The following IL1R1 variants were observed in gnomAD, a reference collection of about 807,000 sequenced individuals.
The protein encoded by IL1R1 is interleukin-1 receptor type 1.
In IL1R1, 22 loss-of-function variants were observed where a neutral mutation model predicts 50.2. That is an observed-to-expected ratio of 0.44 (90% CI 0.31 to 0.63). IL1R1 has a LOEUF of 0.63. IL1R1 is among the 20% of genes least tolerant of loss of function. The pLI is 0.07. For synonymous variants in IL1R1, 251 were observed against 236.7 expected (o/e 1.06, Z -0.55); for missense variants, 509 against 676.2 (o/e 0.75, Z 2.74).
chr2:102,153,685 C>T (rs1032094746), intron 1 of IL1R1, among the ~76,000 whole-genome samples: 2 of 152,174 alleles, frequency 1.3e-5, no homozygotes, highest in Non-Finnish European at 1.5e-5. Context: ...CACTTCCCCC[C>T]TTGCTCTCTC....
chr2:102,090,906 G>A (rs544949739), intron 1 of IL1R1, among the ~76,000 whole-genome samples: 4 of 152,160 alleles, frequency 2.6e-5, no homozygotes, highest in South Asian at 2.1e-4. Flanking sequence ...TAGAGGCTTC[G>A]GCTAATGTTA....
intron 1 of IL1R1, among the ~76,000 whole-genome samples, chr2:102,144,413 G>A (rs1213642171): frequency 2.0e-5 from 3 of 152,074 alleles, no homozygotes; most frequent in South Asian, 2.1e-4. Flanking sequence ...GCCCAGAGCA[G>A]CACCCCCATT....
rs554263964 is a variant in IL1R1, at chr2:102,111,334, G to A, written c.-84+6462G>A. Among the ~76,000 whole-genome samples, 483 of 152,256 alleles carry A rather than the reference G, an allele frequency of 3.2e-3. 5 individuals carry two copies. The highest frequency in any genetic ancestry group is 2.7e-3 in the Non-Finnish European group (184 of 68,028). ...TGCCACAAGAGATCACAGTGGGGCCGCTGCTGCACATAGGGCTGGCGACCA... is the reference window on the plus strand; with the variant it reads ...TGCCACAAGAGATCACAGTGGGGCCACTGCTGCACATAGGGCTGGCGACCA... On this transcript the variant is annotated intron_variant, in intron 1 of 10. Coordinates refer to the IL1R1 transcript ENST00000409329.
chr2:102,176,362 A>T lies in IL1R1; in HGVS notation c.1313A>T (p.Glu438Val), dbSNP rs775164173. ...GCTTCCTGTTTTTCAGACATTGTTG[A>T]GGTCATTAATGAAAACGTAAAGAAA... ...RDDYVGEDIV[E>V]VINENVKKSR... The change falls in exon 12 of 12, where the codon GAG (glutamate) becomes GTG (valine). Residue 438 changes from glutamate to valine, a missense_variant. By Grantham distance (121) the Glu-to-Val change is moderately radical. Transcript: ENST00000410023. 1 of 1,613,472 alleles carries T rather than the reference A, an allele frequency of 6.2e-7. No homozygotes were observed. Among genetic ancestry groups the T allele is most frequent in the East Asian group, 2.2e-5 (1 of 44,884 alleles).
At chr2:102,149,888 G>A (rs759093811) in intron 1 of IL1R1, among the ~76,000 whole-genome samples, 7 of 152,124 alleles carry the variant, frequency 4.6e-5, no homozygotes, top group South Asian at 4.1e-4. Flanking sequence ...TGAGGACAGC[G>A]CAGCCTATGT....
chr2:102,166,799 G>T (rs1237520697), intron 6 of IL1R1, among the ~76,000 whole-genome samples: 2 of 152,174 alleles, frequency 1.3e-5, no homozygotes, highest in African/African-American at 4.8e-5. Context: ...AGGTTATTGG[G>T]AAGATTAGAG....
intron 1 of IL1R1, among the ~76,000 whole-genome samples, chr2:102,123,232 T>A (rs1266720280): frequency 6.6e-6 from 1 of 152,260 alleles, no homozygotes; most frequent in African/African-American, 2.4e-5. Flanking sequence ...GCACATGTAA[T>A]AATTCCATGC....
At chr2:102,112,570 C>T (rs1017014962) in intron 1 of IL1R1, among the ~76,000 whole-genome samples, 2 of 152,070 alleles carry the variant, frequency 1.3e-5, no homozygotes, top group Admixed American at 6.5e-5. Flanking sequence ...GTACTCAACA[C>T]AGAATTGCCC....
chr2:102,139,784 G>A (rs1213960980), upstream of IL1R1, among the ~76,000 whole-genome samples: 1 of 152,210 alleles, frequency 6.6e-6, no homozygotes, highest in Admixed American at 6.5e-5. Context: ...AGTTTCCTGA[G>A]GCCTCCTCAG....
At chr2:102,088,552 C>T (rs1679526773) in intron 1 of IL1R1, among the ~76,000 whole-genome samples, 1 of 152,120 alleles carries the variant, frequency 6.6e-6, no homozygotes, top group Non-Finnish European at 1.5e-5. Flanking sequence ...GTAGATGTAG[C>T]CTAAGTTTTG....
At chr2:102,153,587 T>G (rs2104507073) in intron 1 of IL1R1, among the ~76,000 whole-genome samples, 1 of 152,166 alleles carries the variant, frequency 6.6e-6, no homozygotes, top group South Asian at 2.1e-4. Flanking sequence ...TGGTGGGAGG[T>G]GATTAGATCA....
chr2:102,120,678 T>C (rs1324727290), intron 1 of IL1R1, among the ~76,000 whole-genome samples: 3 of 152,232 alleles, frequency 2.0e-5, no homozygotes, highest in Non-Finnish European at 2.9e-5. Context: ...TCAGGTTTCC[T>C]GAAGCAGAAG....
chr2:102,124,884 C>T (rs1681611547), intron 1 of IL1R1, among the ~76,000 whole-genome samples: 1 of 152,028 alleles, frequency 6.6e-6, no homozygotes, highest in African/African-American at 2.4e-5. Context: ...CCATTGCACT[C>T]TAGCCTGGGT....
intron 1 of IL1R1, among the ~76,000 whole-genome samples, chr2:102,109,169 C>T (rs1312834737): frequency 1.3e-5 from 2 of 152,208 alleles, no homozygotes; most frequent in Admixed American, 6.5e-5. Context: ...GACAGGCTCA[C>T]TCTGGAGCCT....
Position 102,179,774 on chromosome 2 carries a change from A to G in IL1R1, c.*3015A>G, listed in dbSNP as rs957494856. ...TTATATAATTTTGCAGCAGAAGCCA[A>G]ATTTTTTGTATATTAAAGCACCAAA... On this transcript the variant is annotated 3_prime_UTR_variant, in exon 12 of 12. Coordinates refer to ENST00000410023, the MANE Select transcript of IL1R1 (RefSeq NM_000877.4). The G allele has an allele frequency of 2.6e-5, 4 of 152,746 alleles. No individual in the cohort carries two copies. Among genetic ancestry groups the G allele is most frequent in the Admixed American group, 6.5e-5 (1 of 15,280 alleles). The allele number at this position is 152,746 out of a possible 1,614,324, so 9.5% of individuals were successfully genotyped here.
intron 1 of IL1R1, among the ~76,000 whole-genome samples, chr2:102,149,318 G>C (rs1283181415): frequency 6.6e-6 from 1 of 152,230 alleles, no homozygotes; most frequent in Non-Finnish European, 1.5e-5. Flanking sequence ...GTTGCTATCA[G>C]GTGGAAATGT....
rs781745464 is a variant in IL1R1, at chr2:102,176,652, A to C, written c.1603A>C (p.Arg535=). The change falls in exon 12 of 12, where the codon AGG becomes CGG. Residue 535 remains arginine (R), a synonymous_variant. Transcript: ENST00000410023. ...AAAGACAAGGTTCTGGAAGAATGTC[A>C]GGTACCACATGCCAGTCCAGCGACG... ...SAKTRFWKNV[R]YHMPVQRRSP... 6.2e-7 allele frequency: 1 copy of C among 1,614,214 alleles called. No individual in the cohort carries two copies. Among genetic ancestry groups the C allele is most frequent in the Admixed American group, 1.7e-5 (1 of 60,030 alleles).
In IL1R1 at chr2:102,176,861, A is replaced by G. The variant is rs111817302; in HGVS notation, c.*102A>G. On this transcript the variant is annotated 3_prime_UTR_variant, in exon 12 of 12. Coordinates refer to ENST00000410023, the MANE Select transcript of IL1R1 (RefSeq NM_000877.4). Reference sequence around the variant, plus strand: ...CTTGCAGAGTTCATGGAATGTAACTATATCATCCTTTATCCCTGAGGTCAC... The same window carrying G: ...CTTGCAGAGTTCATGGAATGTAACTGTATCATCCTTTATCCCTGAGGTCAC... 58 of 1,123,872 alleles carry G rather than the reference A, an allele frequency of 5.2e-5. 2 individuals carry two copies. The African/African-American group carries it at 5.6e-4, about 11-fold the overall frequency. 69.6% of individuals were successfully genotyped at this position (1,123,872 alleles called of 1,614,324 possible).
rs376293879 is a variant in IL1R1 at position 102,172,681 on chromosome 2, G to T, written c.840-6G>T. On this transcript the variant is annotated splice_polypyrimidine_tract_variant and splice_region_variant and intron_variant, in intron 8 of 11. Transcript: ENST00000410023. The stretch of plus-strand genomic sequence containing the variant: ...CACAAGTTTATTTACTCTCTCTCTC[G>T]AATAGTGTGGAAAATCCTGCAAACA... 3 of 1,598,066 alleles carry T rather than the reference G, an allele frequency of 1.9e-6. No individual in the cohort carries two copies. The highest frequency in any genetic ancestry group is 1.7e-5 in the Admixed American group (1 of 57,252).
Sources: gnomAD v4.1 joint callset for allele counts (sites outside exome capture counted in the v4.1 genomes callset) on GRCh38, gnomAD v4.1.1 for gene constraint, MANE v1.5 for transcripts, NCBI Gene and HGNC (gene_info 2026-07-23, HGNC 2026-07-21) for gene names.